Variants in ADCY8 observed in about 807,000 individuals in gnomAD.
The protein encoded by ADCY8 is adenylate cyclase type 8.
ADCY8 carries 51 observed loss-of-function variants against 119.7 expected under a neutral mutation model. That is an observed-to-expected ratio of 0.43 (90% CI 0.34 to 0.54). The LOEUF (loss-of-function observed/expected upper bound fraction) is 0.54. ADCY8 is among the 20% of genes least tolerant of loss of function. The pLI is 0.03. For missense variants in ADCY8, 1,383 were observed against 1,598.8 expected, an observed-to-expected ratio of 0.87 and a Z score of 2.30; for synonymous variants, 665 against 651.0, an observed-to-expected ratio of 1.02 and a Z score of -0.33.
intron 1 of ADCY8, among the ~76,000 whole-genome samples, chr8:131,012,514 G>A (rs1823341161): frequency 6.6e-6 from 1 of 152,184 alleles, no homozygotes; most frequent in South Asian, 2.1e-4. Context: ...ATGAAGAAGT[G>A]GATCCTAGAG....
At chr8:130,846,605 CCCTTCCTTCCTTTT>C (rs1193077266) in intron 11 of ADCY8, among the ~76,000 whole-genome samples, 1 of 131,282 alleles carries the variant, frequency 7.6e-6, no homozygotes, top group Admixed American at 7.8e-5. Flanking sequence ...CTTCCTCCCT[CCCTTCCTTCCTTTT>C]CCTTCCTTCC....
chr8:130,880,579 G>A (rs1481006871), intron 8 of ADCY8, among the ~76,000 whole-genome samples: 2 of 152,192 alleles, frequency 1.3e-5, no homozygotes, highest in African/African-American at 4.8e-5. Flanking sequence ...TCTGGGAAAT[G>A]TGGGAAGAGC....
chr8:130,869,488 GT>G (rs11410180), intron 8 of ADCY8, among the ~76,000 whole-genome samples: 128 of 140,378 alleles, frequency 9.1e-4, no homozygotes, highest in African/African-American at 3.2e-3. Flanking sequence ...TTGGCTTACT[GT>G]TTTTTTTTTA....
intron 5 of ADCY8, among the ~76,000 whole-genome samples, chr8:130,932,483 C>T: frequency 6.6e-6 from 1 of 152,140 alleles, no homozygotes; most frequent in Non-Finnish European, 1.5e-5. Flanking sequence ...TGCCCACTTC[C>T]TTCTCTTTTC....
At chr8:130,824,604 G>A (rs1468408286) in intron 12 of ADCY8, among the ~76,000 whole-genome samples, 3 of 152,176 alleles carry the variant, frequency 2.0e-5, no homozygotes, top group South Asian at 2.1e-4. Context: ...ATACATGGAC[G>A]AATTCACGAA....
At chr8:130,952,483 C>T (rs1406454682) in intron 2 of ADCY8, among the ~76,000 whole-genome samples, 1 of 152,094 alleles carries the variant, frequency 6.6e-6, no homozygotes, top group Non-Finnish European at 1.5e-5. Flanking sequence ...AAAATAATAA[C>T]TACAAATATC....
chr8:131,033,770 GCA>G (rs148651546), intron 1 of ADCY8, among the ~76,000 whole-genome samples: 6 of 148,930 alleles, frequency 4.0e-5, no homozygotes, highest in Non-Finnish European at 7.5e-5. Context: ...ATACACAAAA[GCA>G]CACACACACA....
At chr8:130,865,871 T>C (rs1253652803) in intron 9 of ADCY8, among the ~76,000 whole-genome samples, 1 of 152,158 alleles carries the variant, frequency 6.6e-6, no homozygotes, top group Non-Finnish European at 1.5e-5. Context: ...TCATAGTGTC[T>C]TGATGGTTCC....
chr8:130,891,809 CCTT>C (rs1242608012), intron 7 of ADCY8, among the ~76,000 whole-genome samples: 2 of 152,098 alleles, frequency 1.3e-5, no homozygotes, highest in Non-Finnish European at 2.9e-5. Flanking sequence ...AACAAGTTTT[CCTT>C]CTTATGGGAG....
At chr8:130,968,406 C>T (rs1246572972) in intron 2 of ADCY8, among the ~76,000 whole-genome samples, 6 of 152,142 alleles carry the variant, frequency 3.9e-5, no homozygotes, top group African/African-American at 9.7e-5. Flanking sequence ...CTCCTGACCT[C>T]GTGATCTGCC....
chr8:130,903,651 CAAT>C, intron 7 of ADCY8, 118 bp downstream of exon 7: 1 of 1,134,722 alleles, frequency 8.8e-7, no homozygotes, highest in African/African-American at 1.6e-5. Flanking sequence ...TGATCATTTG[CAAT>C]TATGGTGTTC....
chr8:130,999,856 GT>G (rs1428042970), intron 1 of ADCY8, among the ~76,000 whole-genome samples: 1 of 152,176 alleles, frequency 6.6e-6, no homozygotes, highest in East Asian at 1.9e-4. Flanking sequence ...GGAACGATGT[GT>G]TGCAATCCAG....
rs538298607 is a variant in ADCY8, at chr8:130,902,879, T to G, written c.1911+893A>C. ...GTGTTATATATTGGCTATTTTTATT[T>G]CTTTCTCTAAAAATGTATAGTACAG... is the stretch of plus-strand genomic sequence containing the variant. On this transcript the variant is annotated intron_variant, in intron 7 of 17. Coordinates refer to ENST00000286355, the MANE Select transcript of ADCY8 (RefSeq NM_001115.3). 4.5e-4 allele frequency among the ~76,000 whole-genome samples: 68 copies of G among 152,158 alleles called. No homozygotes were observed. In the Middle Eastern group the frequency reaches 0.01, roughly 23 times the overall value.
In ADCY8 at chr8:131,039,943, G is replaced by T. The variant is rs759866296; in HGVS notation, c.391C>A (p.His131Asn). The change falls in exon 1 of 18, where the codon CAC (histidine) becomes AAC (asparagine). Residue 131 changes from histidine (H) to asparagine (N), a missense_variant. Coordinates refer to ENST00000286355, the MANE Select transcript of ADCY8 (RefSeq NM_001115.3). ...GAGTTGCTAGGGGCACAGTCAAGGTGCAGGAAGCCCAGGTCGCCCCCGCCT... is the reference window on the plus strand; with the variant it reads ...GAGTTGCTAGGGGCACAGTCAAGGTTCAGGAAGCCCAGGTCGCCCCCGCCT... ...SGGGGDLGFL[H>N]LDCAPSNSDF... 4 of 1,601,438 alleles carry T rather than the reference G, an allele frequency of 2.5e-6. No individual in the cohort carries two copies. Among genetic ancestry groups the T allele is most frequent in the Non-Finnish European group, 3.4e-6 (4 of 1,174,110 alleles).
chr8:130,845,183 C>T lies in ADCY8; in HGVS notation c.2502+2241G>A, dbSNP rs574586792. On this transcript the variant is annotated intron_variant, in intron 11 of 17. Transcript: ENST00000286355. ...CTGTGTGATCAAAAATCTTACCCAC[C>T]ACTTTCTTAGGATTTGGCTAATCTC... Among the ~76,000 whole-genome samples the T allele has an allele frequency of 3.9e-4, 60 of 152,214 alleles. 1 individual carries two copies. The highest frequency in any genetic ancestry group is 1.3e-3 in the African/African-American group (53 of 41,538).
chr8:130,822,672 A>C (rs764761182), intron 12 of ADCY8, among the ~76,000 whole-genome samples: 10 of 151,892 alleles, frequency 6.6e-5, no homozygotes, highest in African/African-American at 7.3e-5. Flanking sequence ...TTATTCTTTC[A>C]TGTCACTCAA....
chr8:130,928,067 A>G (rs2130601892), intron 5 of ADCY8, among the ~76,000 whole-genome samples: 1 of 152,184 alleles, frequency 6.6e-6, no homozygotes, highest in African/African-American at 2.4e-5. Flanking sequence ...CAGTGCCACT[A>G]TGTCCAGCTT....
intron 2 of ADCY8, among the ~76,000 whole-genome samples, chr8:130,964,438 A>G (rs1413724798): frequency 6.6e-6 from 1 of 152,210 alleles, no homozygotes; most frequent in Non-Finnish European, 1.5e-5. Flanking sequence ...TATTTATGTG[A>G]TTTAATTAAA....
chr8:130,861,569 G>GT (rs1225222566), intron 9 of ADCY8, among the ~76,000 whole-genome samples: 3 of 152,142 alleles, frequency 2.0e-5, no homozygotes, highest in Non-Finnish European at 4.4e-5. Flanking sequence ...TCTTAGAAAT[G>GT]TTTTGGTGGG....
Sources: allele counts gnomAD v4.1 joint callset (sites outside exome capture counted in the v4.1 genomes callset), GRCh38; gene constraint gnomAD v4.1.1; transcripts MANE v1.5; gene names NCBI Gene and HGNC (gene_info 2026-07-23, HGNC 2026-07-21).